ATAD3B: variants seen among roughly 807,000 people sequenced by gnomAD.
The protein encoded by ATAD3B is ATPase family AAA domain containing 3B.
ATAD3B carries 59 observed loss-of-function variants against 70.2 expected under a neutral mutation model. The observed-to-expected ratio is 0.84, with a 90% confidence interval of 0.68 to 1.04. The LOEUF (loss-of-function observed/expected upper bound fraction) is 1.04. ATAD3B is among the 50% of genes least tolerant of loss of function. The pLI is 0.00. For missense variants in ATAD3B, 961 were observed against 913.4 expected (o/e 1.05, Z -0.67); for synonymous variants, 423 against 388.6 (o/e 1.09, Z -1.04).
intron 7 of ATAD3B, chr1:1,483,109 G>A (rs1018181314): frequency 6.7e-6 from 3 of 445,050 alleles, no homozygotes; most frequent in Non-Finnish European, 9.0e-6. Flanking sequence ...CCTGGTAAGA[G>A]TGAAACCCTG....
chr1:1,480,778 T>C (rs113814750), intron 4 of ATAD3B, 89 bp from the exon 5 acceptor site: 34,462 of 1,568,844 alleles, frequency 0.022, 4,539 homozygotes, highest in African/African-American at 0.2. Context: ...TGGAGTTCTG[T>C]GGTCCTGGGG....
At chr1:1,485,732 C>G (rs1013485794) in intron 8 of ATAD3B, 50 bp from the exon 9 acceptor site, 1 of 1,609,584 alleles carries the variant, frequency 6.2e-7, no homozygotes, top group South Asian at 1.1e-5. Flanking sequence ...GGTGGCTGTT[C>G]CGTGGCTGTG....
intron 2 of ATAD3B, chr1:1,478,291 C>A: frequency 1.1e-6 from 1 of 902,462 alleles, no homozygotes; most frequent in Admixed American, 3.0e-5. Flanking sequence ...GCGATGGCGC[C>A]CGGCCCACTC....
intron 11 of ATAD3B, among the ~76,000 whole-genome samples, chr1:1,487,381 A>G (rs1277154094): frequency 6.6e-6 from 1 of 151,492 alleles, no homozygotes; most frequent in Non-Finnish European, 1.5e-5. Context: ...CCAGCTACTC[A>G]GGAGGCTGAG....
chr1:1,496,956 G>A lies in ATAD3B; in HGVS notation c.*1139G>A, dbSNP rs1447242539. The A allele has an allele frequency of 7.3e-6, 1 of 136,604 alleles. No homozygotes were observed. The highest frequency in any genetic ancestry group is 1.5e-5 in the Non-Finnish European group (1 of 67,714). The allele number at this position is 136,604 out of a possible 1,614,324, so 8.5% of individuals were successfully genotyped here. A position where few individuals can be genotyped will look rare whatever the true frequency, so the allele number is the denominator to read the frequency against. ...CAGGGTGGGGTGCAGGGGTGGTTGG[G>A]GGAATCACAGCAACGAGACAGCACA... On this transcript the variant is annotated 3_prime_UTR_variant, in exon 16 of 16. Coordinates refer to ENST00000673477, the MANE Select transcript of ATAD3B (RefSeq NM_031921.6).
intron 1 of ATAD3B, among the ~76,000 whole-genome samples, chr1:1,476,542 G>GCT (rs1001994605): frequency 2.0e-5 from 3 of 150,754 alleles, no homozygotes; most frequent in Admixed American, 1.3e-4. Context: ...ACGGACTCTT[G>GCT]CTGTCTCCCC....
At chr1:1,500,935 C>A (rs371871517), downstream of ATAD3B, among the ~76,000 whole-genome samples, 4 of 151,914 alleles carry the variant, frequency 2.6e-5, no homozygotes, top group African/African-American at 9.7e-5. Context: ...GCAGCCTGGG[C>A]GACAGAGTGA....
At chr1:1,498,862 A>C (rs1026176447), downstream of ATAD3B, among the ~76,000 whole-genome samples, 26 of 151,776 alleles carry the variant, frequency 1.7e-4, no homozygotes, top group African/African-American at 5.6e-4. Flanking sequence ...ATTTACTTCT[A>C]TAGAAGGGGG....
downstream of ATAD3B, among the ~76,000 whole-genome samples, chr1:1,501,843 C>A (rs1640952234): frequency 6.6e-6 from 1 of 152,048 alleles, no homozygotes; most frequent in South Asian, 2.1e-4. Context: ...GGCCTCCATG[C>A]CTTTGGGTAA....
rs1429841905 is a variant in ATAD3B at position 1,489,341 on chromosome 1, T to C, written c.1337+67T>C. Reference sequence around the variant, plus strand: ...TGCAGCCGTCGCCCTTGGTTCCCACTGAGGGTCCCTGGCTCACAGTGCTGG... The same window carrying C: ...TGCAGCCGTCGCCCTTGGTTCCCACCGAGGGTCCCTGGCTCACAGTGCTGG... On this transcript the variant is annotated intron_variant, in intron 13 of 15. Transcript: ENST00000673477. 3.7e-6 allele frequency: 6 copies of C among 1,606,572 alleles called. 1 individual carries two copies. The highest frequency in any genetic ancestry group is 3.3e-5 in the South Asian group (3 of 90,716).
intron 5 of ATAD3B, among the ~76,000 whole-genome samples, chr1:1,481,912 C>G (rs1307541078): frequency 6.6e-6 from 1 of 152,034 alleles, no homozygotes; most frequent in Non-Finnish European, 1.5e-5. Context: ...GTGGCGTGGG[C>G]CGGTCCACGG....
At chr1:1,494,386 C>G (rs1457063015) in intron 15 of ATAD3B, among the ~76,000 whole-genome samples, 1 of 151,640 alleles carries the variant, frequency 6.6e-6, no homozygotes, top group Non-Finnish European at 1.5e-5. Context: ...GGCTCAAGAC[C>G]AAAAATGATG....
chr1:1,503,021 G>C, the ATAD3B span, among the ~76,000 whole-genome samples: 3 of 150,464 alleles, frequency 2.0e-5, no homozygotes, highest in Admixed American at 6.6e-5. Flanking sequence ...TCAGGAGATC[G>C]AGACCATCCT....
At chr1:1,472,910 T>TCC (rs1639402540) in intron 1 of ATAD3B, among the ~76,000 whole-genome samples, 1 of 151,828 alleles carries the variant, frequency 6.6e-6, no homozygotes, top group Admixed American at 6.6e-5. Flanking sequence ...TTCGGCTCCC[T>TCC]GCAACCTCCG....
At position 1,488,753 on chromosome 1, in the gene ATAD3B, C is replaced by T. The variant is rs574957219; in HGVS notation, c.1267-451C>T. Among the ~76,000 whole-genome samples the T allele has an allele frequency of 7.9e-5, 12 of 151,136 alleles. No individual in the cohort carries two copies. The East Asian group carries it at 1.7e-3, about 22-fold the overall frequency. On this transcript the variant is annotated intron_variant, in intron 12 of 15. Coordinates refer to ENST00000673477, the MANE Select transcript of ATAD3B (RefSeq NM_031921.6). ...CAGACTGAGAGACAGAACAAGACTT[C>T]GTCTCAAAAAAAAAAGCGAGAGATT...
At position 1,482,217 on chromosome 1, in the gene ATAD3B, G is replaced by T; in HGVS notation, c.594G>T (p.Lys198Asn). 6.2e-7 allele frequency: 1 copy of T among 1,611,350 alleles called. No individual in the cohort carries two copies. Among genetic ancestry groups the T allele is most frequent in the South Asian group, 1.1e-5 (1 of 90,912 alleles). The change falls in exon 6 of 16, where the codon AAG (lysine) becomes AAT (asparagine). Residue 198 changes from lysine to asparagine, a missense_variant. By Grantham distance (94) the Lys-to-Asn change is moderately conservative (BLOSUM62 0). Around this residue, in one of 4 missense-constraint regions of ATAD3B, gnomAD observed 349 missense variants for 307.5 expected, o/e 1.14. Coordinates refer to ENST00000673477, the MANE Select transcript of ATAD3B (RefSeq NM_031921.6). ...AGACCGAGGCCCGGGCGCGCGCCAA[G>T]GCCGAGCGGGAGAATGCAGACATCA... ...RVETEARARAKAERENADIIR... is the reference protein window; with the variant it reads ...RVETEARARANAERENADIIR...
intron 2 of ATAD3B, chr1:1,478,409 A>G (rs1639711363): frequency 6.7e-7 from 1 of 1,496,102 alleles, no homozygotes; most frequent in Middle Eastern, 2.3e-4. Flanking sequence ...TTGGTGTCTG[A>G]CCTCCCTCCC....
chr1:1,508,215 C>G, the ATAD3B span, among the ~76,000 whole-genome samples: 1 of 151,310 alleles, frequency 6.6e-6, no homozygotes, highest in African/African-American at 2.5e-5. Flanking sequence ...CAGTCAGTGT[C>G]TCCTGCGCTC....
At position 1,495,480 on chromosome 1, in the gene ATAD3B, A is replaced by G. The variant is rs1312448719; in HGVS notation, c.1615-5A>G. ...GCCTCCCTCAGCTCCCTCTCTCTTC[A>G]CTAGGCCACGGCATATGCCTCCAAG... On this transcript the variant is annotated splice_polypyrimidine_tract_variant and splice_region_variant and intron_variant, in intron 15 of 15. Transcript: ENST00000673477. The G allele has an allele frequency of 3.8e-6, 6 of 1,596,862 alleles. No individual in the cohort carries two copies. Among genetic ancestry groups the G allele is most frequent in the Non-Finnish European group, 5.1e-6 (6 of 1,168,594 alleles).
Sources: gnomAD v4.1 joint callset for allele counts (sites outside exome capture counted in the v4.1 genomes callset) on GRCh38, gnomAD v4.1.1 for gene constraint, gnomAD v4.1.1 regional missense constraint, MANE v1.5 for transcripts, NCBI Gene and HGNC (gene_info 2026-07-23, HGNC 2026-07-21) for gene names.